The following EVC variants were observed in gnomAD, a reference collection of about 807,000 sequenced individuals.
The protein encoded by EVC is EvC ciliary complex subunit 1.
In EVC, 116 loss-of-function variants were observed where a neutral mutation model predicts 118.9. That is an observed-to-expected ratio of 0.98 (90% CI 0.84 to 1.14). The LOEUF is 1.14. Among genes scored for constraint, EVC ranks in the 50% most tolerant of loss-of-function variants. EVC has a pLI of 0.00. For synonymous variants in EVC, 619 were observed against 534.7 expected (o/e 1.16, Z -2.18); for missense variants, 1,401 against 1,246.4 (o/e 1.12, Z -1.87).
At chr4:5,711,579 C>T (rs1156998527) in intron 1 of EVC, 25 bp downstream of exon 1, 2 of 1,171,844 alleles carry the variant, frequency 1.7e-6, no homozygotes, top group Non-Finnish European at 1.1e-6. Flanking sequence ...CAGACAGCGG[C>T]GGGGCGGGGA....
chr4:5,762,049 C>T (rs1419054140), intron 11 of EVC, among the ~76,000 whole-genome samples: 4 of 76,492 alleles, frequency 5.2e-5, no homozygotes, highest in Non-Finnish European at 8.1e-5. Context: ...CTATCCCTCC[C>T]CCCACCCCCA....
chr4:5,715,680 T>G (rs1321922936), intron 1 of EVC, among the ~76,000 whole-genome samples: 2 of 151,784 alleles, frequency 1.3e-5, no homozygotes, highest in Admixed American at 6.6e-5. Context: ...CTTAATTTGG[T>G]AAGAATAATT....
chr4:5,725,964 G>A (rs1023643013), intron 2 of EVC, among the ~76,000 whole-genome samples: 3 of 152,162 alleles, frequency 2.0e-5, no homozygotes, highest in Admixed American at 1.3e-4. Context: ...ACAGAGAAAC[G>A]ACAAGAACAG....
rs145589031 is a variant in EVC, at chr4:5,799,479, C to T, written c.2304+687C>T. On this transcript the variant is annotated intron_variant, in intron 15 of 20. Coordinates refer to ENST00000264956, the MANE Select transcript of EVC (RefSeq NM_153717.3). Reference sequence around the variant, plus strand: ...ATTGGGCAAATGATACATTTCCAGCCTCCAACCTAGTGAGTGGCAGCGCCG... The same window carrying T: ...ATTGGGCAAATGATACATTTCCAGCTTCCAACCTAGTGAGTGGCAGCGCCG... 1.6e-3 allele frequency among the ~76,000 whole-genome samples: 246 copies of T among 152,292 alleles called. 2 individuals carry two copies. The highest frequency in any genetic ancestry group is 5.6e-3 in the African/African-American group (231 of 41,572).
chr4:5,758,088 T>C (rs1247940024), intron 11 of EVC: 1 of 702,238 alleles, frequency 1.4e-6, no homozygotes, highest in Admixed American at 2.0e-5. Flanking sequence ...AAGAAGGCCA[T>C]GAGAAGACAT....
In EVC at chr4:5,782,536, GAAAAAAAAAA is replaced by G. The variant is rs71171483; in HGVS notation, c.1564-994_1564-985del. ...AGCCTCCCGCTTCCATGTTTTAAAT[GAAAAAAAAAA>G]AAAAAAAAAAAAAAAAAAAAAGATG... On this transcript the variant is annotated intron_variant, in intron 11 of 20. Transcript: ENST00000264956. Among the ~76,000 whole-genome samples the G allele has an allele frequency of 2.4e-3, 112 of 45,736 alleles. 2 individuals are homozygous for G. Among genetic ancestry groups the G allele is most frequent in the South Asian group, 2.2e-3 (1 of 446 alleles). The allele number at this position is 45,736 out of a possible 152,430, so 30.0% of individuals were successfully genotyped here. A position where few individuals can be genotyped will look rare whatever the true frequency, so the allele number is the denominator to read the frequency against.
downstream of EVC, among the ~76,000 whole-genome samples, chr4:5,817,810 T>G (rs1717936078): frequency 6.6e-6 from 1 of 152,190 alleles, no homozygotes; most frequent in South Asian, 2.1e-4. Context: ...GTCCACTGTC[T>G]ATGATCAAGG....
Position 5,734,839 on chromosome 4 carries a change from G to A in EVC, c.702+1404G>A, listed in dbSNP as rs141539140. On this transcript the variant is annotated intron_variant, in intron 5 of 20. Transcript: ENST00000264956. ...ATCCCCAGCCCCATGGAGGTCCCTG[G>A]ATGGGGGCCACCAGGCAGCCTGTGT... is the stretch of plus-strand genomic sequence containing the variant. Among the ~76,000 whole-genome samples, 326 of 152,288 alleles carry A rather than the reference G, an allele frequency of 2.1e-3. 7 individuals carry two copies. In the East Asian group the frequency reaches 0.034, roughly 16 times the overall value.
chr4:5,795,150 G>T (rs751203980), intron 13 of EVC, among the ~76,000 whole-genome samples: 1 of 152,210 alleles, frequency 6.6e-6, no homozygotes. Flanking sequence ...CACCTAGGTT[G>T]ATTCAGTGTC....
rs111335292 is a variant in EVC at position 5,732,256 on chromosome 4, G to A, written c.617+599G>A. Among the ~76,000 whole-genome samples the A allele has an allele frequency of 4.9e-3, 568 of 115,340 alleles. 4 individuals carry two copies. The highest frequency in any genetic ancestry group is 0.014 in the African/African-American group (539 of 37,424). 75.7% of individuals were successfully genotyped at this position (115,340 alleles called of 152,430 possible). ...GTGGGGGCTTAAGAAGCTCAGTCTG[G>A]CGGGTTCACACACCAGGCCTCAGGC... On this transcript the variant is annotated intron_variant, in intron 4 of 20. Coordinates refer to ENST00000264956, the MANE Select transcript of EVC (RefSeq NM_153717.3).
intron 12 of EVC, among the ~76,000 whole-genome samples, chr4:5,785,126 C>T (rs62297678): frequency 0.088 from 13,396 of 152,150 alleles, 800 homozygotes; most frequent in African/African-American, 0.18. Flanking sequence ...CTTCTGTTTC[C>T]TGATACCAGA....
rs1358915704 is a variant in EVC, at chr4:5,749,651, A to G, written c.1098+1345A>G. 1.3e-5 allele frequency among the ~76,000 whole-genome samples: 2 copies of G among 152,162 alleles called. No individual in the cohort carries two copies. Among genetic ancestry groups the G allele is most frequent in the African/African-American group, 4.8e-5 (2 of 41,442 alleles). On this transcript the variant is annotated intron_variant, in intron 8 of 20. Transcript: ENST00000264956. This position sits in a 1 kb window ranked among gnomAD's most constrained non-coding sequence, Gnocchi z 4.4. The stretch of plus-strand genomic sequence containing the variant: ...GTTCCTCTTGGTACACATTGGGCTC[A>G]TCCTGTGTGCGCCAGTGTGTACTAG...
chr4:5,788,658 T>C (rs555717659), intron 12 of EVC, among the ~76,000 whole-genome samples: 4 of 152,264 alleles, frequency 2.6e-5, no homozygotes, highest in South Asian at 2.1e-4. Context: ...AGAAATCCCA[T>C]TGATTTTGCC....
At chr4:5,794,319 A>ATATATTTATATATATTTATT (rs1713431366) in intron 13 of EVC, among the ~76,000 whole-genome samples, 1 of 133,764 alleles carries the variant, frequency 7.5e-6, no homozygotes, top group Admixed American at 7.7e-5. Context: ...ATATATTTAT[A>ATATATTTATATATATTTATT]TATATTTATA....
intron 9 of EVC, 36 bp from the exon 10 acceptor site, chr4:5,753,749 A>T (rs1486773019): frequency 6.2e-7 from 1 of 1,613,962 alleles, no homozygotes; most frequent in African/African-American, 1.3e-5. Flanking sequence ...TGGCTCACAG[A>T]GTCACCTCCT....
rs112283154 is a variant in EVC at position 5,744,968 on chromosome 4, G to GTTTTT, written c.802-224_802-220dup. 0.048 allele frequency among the ~76,000 whole-genome samples: 6,636 copies of GTTTTT among 139,680 alleles called. 270 individuals carry two copies. Among genetic ancestry groups the GTTTTT allele is most frequent in the African/African-American group, 0.11 (4,154 of 37,774 alleles). 91.6% of individuals were successfully genotyped at this position (139,680 alleles called of 152,430 possible). A position where few individuals can be genotyped will look rare whatever the true frequency, so the allele number is the denominator to read the frequency against. ...TTATTGATTTTTAAAGTATGGTCTA[G>GTTTTT]TTTTTTTTTTTTTTTTGAGGGAGGA... On this transcript the variant is annotated intron_variant, in intron 6 of 20. Coordinates refer to ENST00000264956, the MANE Select transcript of EVC (RefSeq NM_153717.3).
Position 5,804,784 on chromosome 4 carries a change from C to T in EVC, c.2504C>T (p.Ser835Leu). 1.9e-6 allele frequency: 3 copies of T among 1,614,150 alleles called. No individual in the cohort carries two copies. Among genetic ancestry groups the T allele is most frequent in the Middle Eastern group, 1.6e-4 (1 of 6,062 alleles). ...LRKKQELSNPSSGSRTAGGAH... is the reference protein window; with the variant it reads ...LRKKQELSNPLSGSRTAGGAH... ...AAAAAGCAAGAACTCAGCAACCCTT[C>T]GTCGGGCAGCAGGACGGCAGGTGGC... Residue 835 changes from serine to leucine, a missense_variant, in exon 17 of 21, where the codon TCG becomes TTG. Physicochemically the swap from Ser to Leu is moderately radical, Grantham distance 145. Transcript: ENST00000264956.
rs1392665011 is a variant in EVC, at chr4:5,754,784, C to T, written c.1464+851C>T. 6.6e-6 allele frequency among the ~76,000 whole-genome samples: 1 copy of T among 152,118 alleles called. No individual in the cohort carries two copies. Among genetic ancestry groups the T allele is most frequent in the Non-Finnish European group, 1.5e-5 (1 of 68,020 alleles). On this transcript the variant is annotated intron_variant, in intron 10 of 20. Coordinates refer to ENST00000264956, the MANE Select transcript of EVC (RefSeq NM_153717.3). The surrounding 1 kb of genome is among the most constrained non-coding windows in gnomAD (Gnocchi z 5.8). ...CATCTGTGAAATGGGCATAATGGCA[C>T]CTATATCACAGCATTGTTAGGATTC... is the stretch of plus-strand genomic sequence containing the variant.
chr4:5,767,378 A>AGG (rs1733079215), intron 11 of EVC, among the ~76,000 whole-genome samples: 1 of 124,798 alleles, frequency 8.0e-6, no homozygotes, highest in South Asian at 2.9e-4. Context: ...GCCCCCGGAG[A>AGG]TGGAACCTCC....
Sources: allele counts gnomAD v4.1 joint callset (sites outside exome capture counted in the v4.1 genomes callset), GRCh38; gene constraint gnomAD v4.1.1; non-coding constraint Gnocchi (gnomAD v3.1); transcripts MANE v1.5; gene names NCBI Gene and HGNC (gene_info 2026-07-23, HGNC 2026-07-21).